LPXN: variants seen among roughly 807,000 people sequenced by gnomAD.
LPXN encodes the protein leupaxin.
A neutral mutation model predicts 45.6 loss-of-function variants in LPXN; 28 were observed. The observed-to-expected ratio is 0.61, with a 90% CI of 0.45 to 0.84. The LOEUF is 0.84. Among genes scored for constraint, LPXN ranks in the 40% least tolerant of loss-of-function variants. The pLI is 0.00. For missense variants in LPXN, 459 were observed against 475.0 expected (o/e 0.97, Z 0.31); for synonymous variants, 166 against 169.9 (o/e 0.98, Z 0.18).
At position 58,569,529 on chromosome 11, in the gene LPXN, T is replaced by C. The variant is rs967886443; in HGVS notation, c.171+1027A>G. Among the ~76,000 whole-genome samples, 6 of 151,896 alleles carry C rather than the reference T, an allele frequency of 4.0e-5. No homozygotes were observed. The East Asian group carries it at 7.8e-4, about 20-fold the overall frequency. On this transcript the variant is annotated intron_variant, in intron 2 of 8. Transcript: ENST00000395074. ...TCAGCCACCTGAGTGGCGGGGACCA[T>C]AGGCACGCACCACCACACCCTGCTC...
At position 58,528,117 on chromosome 11, in the gene LPXN, A is replaced by T; in HGVS notation, c.817T>A (p.Cys273Ser). ...LAMFSPKCGG[C>S]NRPVLENYLS... ...TAGTTTTCCAACACTGGGCGATTGC[A>T]GCCACCACACTTGGGTGAGAACATG... is the stretch of plus-strand genomic sequence containing the variant. The change falls in exon 8 of 9, where the codon TGC becomes AGC. Residue 273 changes from cysteine to serine, a missense_variant. Transcript: ENST00000395074. 7 of 1,614,234 alleles carry T rather than the reference A, an allele frequency of 4.3e-6. No individual in the cohort carries two copies. Among genetic ancestry groups the T allele is most frequent in the African/African-American group, 1.3e-5 (1 of 75,076 alleles).
intron 4 of LPXN, among the ~76,000 whole-genome samples, chr11:58,552,072 A>T (rs1854068943): frequency 6.6e-6 from 1 of 152,184 alleles, no homozygotes; most frequent in Non-Finnish European, 1.5e-5. Context: ...AAGGTGATGG[A>T]AGCCATTGCA....
chr11:58,564,344 A>G (rs1022287667), intron 2 of LPXN, 143 bp from the exon 3 acceptor site: 1 of 642,038 alleles, frequency 1.6e-6, no homozygotes, highest in Non-Finnish European at 2.7e-6. Context: ...CTCTTCTTTC[A>G]CAAGCCAGAG....
intron 7 of LPXN, among the ~76,000 whole-genome samples, chr11:58,528,850 T>G (rs530848680): frequency 1.6e-4 from 25 of 152,318 alleles, no homozygotes; most frequent in African/African-American, 6.0e-4. Context: ...TTTTTTATTT[T>G]TTGTGTGGGT....
chr11:58,543,016 C>A (rs1853775932), intron 7 of LPXN, among the ~76,000 whole-genome samples: 1 of 152,130 alleles, frequency 6.6e-6, no homozygotes, highest in Non-Finnish European at 1.5e-5. Context: ...CCCTGAGATA[C>A]CCAAATGGCT....
upstream of LPXN, chr11:58,578,270 G>A (rs183462701): frequency 2.0e-6 from 1 of 507,520 alleles, no homozygotes; most frequent in East Asian, 3.9e-5. Flanking sequence ...CGAAAAAAAG[G>A]TAAACTCTAG....
At chr11:58,544,959 A>G (rs1469993008) in intron 7 of LPXN, among the ~76,000 whole-genome samples, 2 of 152,180 alleles carry the variant, frequency 1.3e-5, no homozygotes, top group Admixed American at 6.5e-5. Flanking sequence ...ATTTCCCAGG[A>G]GGCTCAGAGG....
At chr11:58,531,699 T>C (rs1388762163) in intron 7 of LPXN, among the ~76,000 whole-genome samples, 1 of 152,132 alleles carries the variant, frequency 6.6e-6, no homozygotes, top group Non-Finnish European at 1.5e-5. Context: ...ATTCAGGAAA[T>C]ACAGAGAACA....
At chr11:58,528,282 C>T in intron 7 of LPXN, 91 bp from the exon 8 acceptor site, 5 of 1,140,284 alleles carry the variant, frequency 4.4e-6, no homozygotes, top group Non-Finnish European at 6.3e-6. Flanking sequence ...ATCTCAGTGT[C>T]CTCATATTCA....
intron 7 of LPXN, among the ~76,000 whole-genome samples, chr11:58,543,794 C>T (rs1853800842): frequency 6.6e-6 from 1 of 152,142 alleles, no homozygotes; most frequent in African/African-American, 2.4e-5. Flanking sequence ...TCTACCTCTT[C>T]CCCACTAAGA....
Position 58,539,471 on chromosome 11 carries a change from G to A in LPXN, c.742+10315C>T, listed in dbSNP as rs571509076. On this transcript the variant is annotated intron_variant, in intron 7 of 8. Coordinates refer to ENST00000395074, the MANE Select transcript of LPXN (RefSeq NM_004811.3). ...ATGATTCCAAGTATGTGGCAGAGTTGACAAGTTAGGCCTGATATATCTTGC... is the reference window on the plus strand; with the variant it reads ...ATGATTCCAAGTATGTGGCAGAGTTAACAAGTTAGGCCTGATATATCTTGC... Among the ~76,000 whole-genome samples, 31 of 152,252 alleles carry A rather than the reference G, an allele frequency of 2.0e-4. No homozygotes were observed. The East Asian group carries it at 3.7e-3, about 18-fold the overall frequency.
chr11:58,544,164 C>G (rs1853813692), intron 7 of LPXN, among the ~76,000 whole-genome samples: 1 of 152,132 alleles, frequency 6.6e-6, no homozygotes, highest in Admixed American at 6.6e-5. Flanking sequence ...TGTCTAGGGT[C>G]TATTCAAGGG....
chr11:58,537,457 A>G (rs1386268861), intron 7 of LPXN, among the ~76,000 whole-genome samples: 1 of 152,160 alleles, frequency 6.6e-6, no homozygotes, highest in Non-Finnish European at 1.5e-5. Context: ...TGGGAGTTGA[A>G]CAATGAGAAC....
intron 7 of LPXN, among the ~76,000 whole-genome samples, chr11:58,545,210 C>T (rs1164998326): frequency 6.6e-6 from 1 of 152,114 alleles, no homozygotes; most frequent in African/African-American, 2.4e-5. Flanking sequence ...ATGACCCCAT[C>T]AGCCCTGTCT....
chr11:58,535,307 A>T (rs954632284), intron 7 of LPXN, among the ~76,000 whole-genome samples: 6 of 152,214 alleles, frequency 3.9e-5, no homozygotes, highest in Non-Finnish European at 5.9e-5. Context: ...GCAGCATATC[A>T]AAAAGCTTAT....
At chr11:58,542,772 T>TA (rs1320141787) in intron 7 of LPXN, among the ~76,000 whole-genome samples, 1 of 152,036 alleles carries the variant, frequency 6.6e-6, no homozygotes, top group Non-Finnish European at 1.5e-5. Flanking sequence ...TGCTTAAGTA[T>TA]AAAAAAAGAA....
chr11:58,550,938 C>T (rs528210622), intron 5 of LPXN, 127 bp downstream of exon 5: 3 of 826,586 alleles, frequency 3.6e-6, no homozygotes, highest in Non-Finnish European at 5.3e-6. Flanking sequence ...GTGGCCAGAG[C>T]ACTGTAAGTG....
intron 8 of LPXN, 145 bp downstream of exon 8, chr11:58,527,897 TG>T: frequency 8.8e-7 from 1 of 1,141,120 alleles, no homozygotes; most frequent in East Asian, 2.4e-5. Flanking sequence ...GACAAGCAAA[TG>T]GATCTGTATC....
intron 7 of LPXN, among the ~76,000 whole-genome samples, chr11:58,544,743 A>G (rs750794279): frequency 1.1e-4 from 17 of 152,302 alleles, no homozygotes; most frequent in African/African-American, 3.8e-4. Context: ...AAAGTGCCAC[A>G]AAAAGAGGGA....
Sources: gnomAD v4.1 joint callset for allele counts (sites outside exome capture counted in the v4.1 genomes callset) on GRCh38, gnomAD v4.1.1 for gene constraint, MANE v1.5 for transcripts, NCBI Gene and HGNC (gene_info 2026-07-23, HGNC 2026-07-21) for gene names.